Variants in RSPO2 observed in about 807,000 individuals in gnomAD.
The protein encoded by RSPO2 is R-spondin-2.
Under a neutral mutation model 30.9 loss-of-function variants are expected in RSPO2, and 14 were observed. The ratio of observed to expected loss-of-function variants is 0.45; its 90% CI spans 0.30 to 0.71. The LOEUF is 0.71. RSPO2 is among the 30% of genes least tolerant of loss of function. The pLI, the probability that RSPO2 is intolerant of heterozygous loss-of-function variation, is 0.08. For missense variants in RSPO2, 264 were observed against 301.9 expected (o/e 0.87, Z 0.93); for synonymous variants, 107 against 96.4 (o/e 1.11, Z -0.64).
chr8:107,964,628 G>A (rs906653677), intron 3 of RSPO2, among the ~76,000 whole-genome samples: 2 of 152,072 alleles, frequency 1.3e-5, no homozygotes, highest in Non-Finnish European at 2.9e-5. Context: ...CCTTTCCTCA[G>A]CAGCTCCAGA....
Position 107,900,829 on chromosome 8 carries a change from T to G in RSPO2, c.*246A>C. ...CATGTCCATGGTGCCGGGGACGGAT[T>G]CTCTCAGCACACACTGAGCCAAGTC... On this transcript the variant is annotated 3_prime_UTR_variant, in exon 6 of 6. Coordinates refer to ENST00000276659, the MANE Select transcript of RSPO2 (RefSeq NM_178565.5). 1 of 378,170 alleles carries G rather than the reference T, an allele frequency of 2.6e-6. No homozygotes were observed. Among genetic ancestry groups the G allele is most frequent in the Non-Finnish European group, 4.7e-6 (1 of 211,274 alleles). 23.4% of individuals were successfully genotyped at this position (378,170 alleles called of 1,614,324 possible).
intron 2 of RSPO2, among the ~76,000 whole-genome samples, chr8:108,047,786 G>A (rs1339881194): frequency 6.6e-6 from 1 of 151,730 alleles, no homozygotes; most frequent in East Asian, 1.9e-4. Context: ...GGGAGGCAGA[G>A]GTTGCAGTGA....
intron 5 of RSPO2, among the ~76,000 whole-genome samples, chr8:107,947,498 G>T (rs1813102578): frequency 6.6e-6 from 1 of 152,134 alleles, no homozygotes; most frequent in Non-Finnish European, 1.5e-5. Flanking sequence ...GGCAAAAAGA[G>T]ATACAGGGGC....
intron 2 of RSPO2, among the ~76,000 whole-genome samples, chr8:108,071,063 T>A (rs534227143): frequency 4.6e-5 from 7 of 152,176 alleles, no homozygotes; most frequent in Non-Finnish European, 8.8e-5. Flanking sequence ...GACTGCTTGA[T>A]ATGCAGAAGC....
At chr8:108,046,622 C>A (rs1224997274) in intron 2 of RSPO2, among the ~76,000 whole-genome samples, 1 of 152,078 alleles carries the variant, frequency 6.6e-6, no homozygotes, top group Non-Finnish European at 1.5e-5. Context: ...ACAAAAGCAT[C>A]ATTTGCAAAC....
intron 5 of RSPO2, among the ~76,000 whole-genome samples, chr8:107,955,108 G>C (rs751624152): frequency 6.6e-6 from 1 of 152,110 alleles, no homozygotes; most frequent in Non-Finnish European, 1.5e-5. Flanking sequence ...CAAATGCAGG[G>C]GGCAGCTACT....
At chr8:108,026,168 C>G (rs911841522) in intron 2 of RSPO2, among the ~76,000 whole-genome samples, 3 of 152,130 alleles carry the variant, frequency 2.0e-5, no homozygotes, top group African/African-American at 7.2e-5. Context: ...CATGAAGAAA[C>G]AGCAGACAAA....
At chr8:108,040,466 G>A (rs1586650654) in intron 2 of RSPO2, among the ~76,000 whole-genome samples, 1 of 152,040 alleles carries the variant, frequency 6.6e-6, no homozygotes, top group South Asian at 2.1e-4. Flanking sequence ...GGCAGGCTTC[G>A]GAATAGTAAG....
intron 2 of RSPO2, among the ~76,000 whole-genome samples, chr8:108,075,795 G>A (rs556118211): frequency 6.6e-5 from 10 of 151,812 alleles, no homozygotes; most frequent in African/African-American, 2.4e-4. Flanking sequence ...TAAAAAAACA[G>A]CATTTCTCAT....
At chr8:108,003,007 T>C (rs1395917411) in intron 2 of RSPO2, among the ~76,000 whole-genome samples, 1 of 151,540 alleles carries the variant, frequency 6.6e-6, no homozygotes, top group African/African-American at 2.4e-5. Context: ...AAAATCAGAA[T>C]GATTACTGAA....
Position 107,989,062 on chromosome 8 carries a change from A to G in RSPO2, c.277T>C (p.Cys93Arg). The change falls in exon 3 of 6, where the codon TGT becomes CGT. Residue 93 changes from cysteine (C) to arginine (R), a missense_variant. Coordinates refer to ENST00000276659, the MANE Select transcript of RSPO2 (RefSeq NM_178565.5). ...YGHRAPDMNR[C>R]ARCRIENCDS... ...GACAAAACCAAATGCTCACTTGCAC[A>G]TCTGTTCATATCTGGGGCTCGGTGT... 1 of 1,602,980 alleles carries G rather than the reference A, an allele frequency of 6.2e-7. No homozygotes were observed. Among genetic ancestry groups the G allele is most frequent in the Non-Finnish European group, 8.5e-7 (1 of 1,177,174 alleles).
chr8:108,051,390 G>GT (rs1812075500), intron 2 of RSPO2, among the ~76,000 whole-genome samples: 1 of 152,076 alleles, frequency 6.6e-6, no homozygotes, highest in Non-Finnish European at 1.5e-5. Context: ...CCAGCAGGGG[G>GT]AAAAAACGGC....
chr8:108,004,399 C>T (rs1022383620), intron 2 of RSPO2, among the ~76,000 whole-genome samples: 2 of 152,192 alleles, frequency 1.3e-5, no homozygotes, highest in Non-Finnish European at 2.9e-5. Flanking sequence ...AGATCCTGCC[C>T]TGGCTAAGGG....
intron 3 of RSPO2, among the ~76,000 whole-genome samples, chr8:107,981,616 TC>T (rs1429131157): frequency 1.3e-5 from 2 of 152,180 alleles, no homozygotes; most frequent in Non-Finnish European, 2.9e-5. Flanking sequence ...TAAATAGTGA[TC>T]TTGGAGTTCA....
intron 2 of RSPO2, among the ~76,000 whole-genome samples, chr8:108,003,832 T>C (rs1194421876): frequency 2.0e-5 from 3 of 152,172 alleles, no homozygotes; most frequent in South Asian, 2.1e-4. Flanking sequence ...GATCATAGTT[T>C]GTGACAAATT....
chr8:107,984,755 TA>T (rs1814567697), intron 3 of RSPO2, among the ~76,000 whole-genome samples: 1 of 152,178 alleles, frequency 6.6e-6, no homozygotes, highest in African/African-American at 2.4e-5. Flanking sequence ...ATCAATAAAG[TA>T]ATTATGTTTT....
At chr8:108,007,088 C>T (rs1815476200) in intron 2 of RSPO2, among the ~76,000 whole-genome samples, 1 of 152,102 alleles carries the variant, frequency 6.6e-6, no homozygotes, top group Admixed American at 6.6e-5. Flanking sequence ...TTCTTCATTT[C>T]TCCCCAAAAA....
At chr8:107,988,188 C>T (rs1239187823) in intron 3 of RSPO2, among the ~76,000 whole-genome samples, 3 of 151,870 alleles carry the variant, frequency 2.0e-5, no homozygotes, top group South Asian at 2.1e-4. Flanking sequence ...GTACAAAATG[C>T]CATTCCTTAA....
chr8:108,061,911 TCAA>T (rs1812480067), intron 2 of RSPO2, among the ~76,000 whole-genome samples: 1 of 151,828 alleles, frequency 6.6e-6, no homozygotes, highest in South Asian at 2.1e-4. Context: ...ACATGGAAAC[TCAA>T]CAACCTGCTC....
Sources: allele counts gnomAD v4.1 joint callset (sites outside exome capture counted in the v4.1 genomes callset), GRCh38; gene constraint gnomAD v4.1.1; transcripts MANE v1.5; gene names NCBI Gene and HGNC (gene_info 2026-07-23, HGNC 2026-07-21).